PARL: variants seen among roughly 807,000 people sequenced by gnomAD.
PARL encodes the protein presenilin-associated rhomboid-like protein, mitochondrial.
A neutral mutation model predicts 51.6 loss-of-function variants in PARL; 44 were observed. The ratio of observed to expected loss-of-function variants is 0.85; its 90% CI spans 0.67 to 1.10. PARL has a LOEUF of 1.10. Ranked by LOEUF, PARL falls within the 50% of genes least tolerant of loss-of-function variation. The pLI is 0.00. For missense variants in PARL, 441 were observed against 469.5 expected (o/e 0.94, Z 0.56); for synonymous variants, 172 against 164.0 (o/e 1.05, Z -0.37).
Position 183,829,493 on chromosome 3 carries a change from C to T in PARL, c.*105G>A. The stretch of plus-strand genomic sequence containing the variant: ...GCTGAAAACAGTGGGAGGCCAGATG[C>T]TGGCATCTTCCAGACGGGAGCATAG... On this transcript the variant is annotated 3_prime_UTR_variant, in exon 10 of 10. Transcript: ENST00000317096. 2 of 1,611,306 alleles carry T rather than the reference C, an allele frequency of 1.2e-6. No individual in the cohort carries two copies. Among genetic ancestry groups the T allele is most frequent in the Admixed American group, 3.3e-5 (2 of 60,004 alleles).
intron 1 of PARL, among the ~76,000 whole-genome samples, chr3:183,871,833 T>C (rs1733253497): frequency 6.6e-6 from 1 of 152,182 alleles, no homozygotes; most frequent in Non-Finnish European, 1.5e-5. Context: ...GCACTGGCTG[T>C]ATATTTAATA....
chr3:183,862,863 AC>A, intron 3 of PARL, 62 bp from the exon 4 acceptor site: 1 of 1,343,932 alleles, frequency 7.4e-7, no homozygotes, highest in Non-Finnish European at 1.1e-6. Context: ...AAAATGAAAA[AC>A]CAGAAGAAAA....
intron 7 of PARL, among the ~76,000 whole-genome samples, chr3:183,835,609 G>A (rs1399875376): frequency 3.9e-5 from 6 of 152,166 alleles, no homozygotes; most frequent in African/African-American, 1.4e-4. Context: ...GCTCACGCCT[G>A]TAATCCCAGC....
chr3:183,835,736 G>A (rs1728495052), intron 7 of PARL, among the ~76,000 whole-genome samples: 1 of 152,038 alleles, frequency 6.6e-6, no homozygotes, highest in African/African-American at 2.4e-5. Context: ...ACGTGGTGGT[G>A]GGCGCCTGTA....
intron 1 of PARL, among the ~76,000 whole-genome samples, chr3:183,876,610 T>TAA (rs576376716): frequency 8.7e-5 from 8 of 91,806 alleles, no homozygotes; most frequent in African/African-American, 1.9e-4. Flanking sequence ...ATACATTTTG[T>TAA]AAAAAAAAAA....
At chr3:183,844,509 G>T in intron 4 of PARL, 183 bp from the exon 5 acceptor site, 1 of 558,256 alleles carries the variant, frequency 1.8e-6, no homozygotes, top group Non-Finnish European at 3.2e-6. Context: ...ACTGCCTAGG[G>T]TTGGTAAAGT....
intron 3 of PARL, among the ~76,000 whole-genome samples, chr3:183,865,480 G>C (rs1732363678): frequency 6.6e-6 from 1 of 152,208 alleles, no homozygotes; most frequent in Non-Finnish European, 1.5e-5. Flanking sequence ...TGAGCAGTGG[G>C]AGAGCATTAC....
At chr3:183,839,111 A>G (rs1728999578) in intron 7 of PARL, among the ~76,000 whole-genome samples, 1 of 152,238 alleles carries the variant, frequency 6.6e-6, no homozygotes, top group Non-Finnish European at 1.5e-5. Context: ...CCACGAAGGG[A>G]AAGAAGGAGG....
intron 3 of PARL, among the ~76,000 whole-genome samples, chr3:183,864,233 C>G (rs1732177041): frequency 6.6e-6 from 1 of 152,188 alleles, no homozygotes; most frequent in African/African-American, 2.4e-5. Flanking sequence ...AGGAATGAAT[C>G]CCTTTCCCTA....
At chr3:183,848,859 T>C (rs537630621) in intron 4 of PARL, among the ~76,000 whole-genome samples, 1 of 152,296 alleles carries the variant, frequency 6.6e-6, no homozygotes, top group African/African-American at 2.4e-5. Flanking sequence ...AAGATTTCCA[T>C]AGAAACTCTG....
chr3:183,844,714 T>C, intron 4 of PARL: 1 of 183,432 alleles, frequency 5.5e-6, no homozygotes, highest in Non-Finnish European at 1.2e-5. Context: ...GAGCTAACAT[T>C]ACTTCTTTTT....
intron 1 of PARL, among the ~76,000 whole-genome samples, chr3:183,875,021 A>G (rs1733630461): frequency 6.6e-6 from 1 of 152,200 alleles, no homozygotes; most frequent in African/African-American, 2.4e-5. Flanking sequence ...GCAGTGAGCT[A>G]CAAATGCATT....
chr3:183,850,933 G>A lies in PARL; in HGVS notation c.512-6607C>T, dbSNP rs1577325062. 5.9e-5 allele frequency among the ~76,000 whole-genome samples: 9 copies of A among 152,164 alleles called. No homozygotes were observed. In the South Asian group the frequency reaches 6.2e-4, roughly 10 times the overall value. ...AACCTACAGGAATAAAGACAATGTA[G>A]TATTAGAATAAGGTCAGATATATAG... On this transcript the variant is annotated intron_variant, in intron 4 of 9. Transcript: ENST00000317096.
intron 1 of PARL, among the ~76,000 whole-genome samples, chr3:183,882,227 ATATATATATATATATATTT>A (rs1396263946): frequency 0.064 from 3,066 of 48,280 alleles, 221 homozygotes; most frequent in Non-Finnish European, 0.087. Context: ...AAAAAAATAT[ATATATATATATATATATTT>A]ATATATATAT....
chr3:183,835,265 G>C (rs1362409587), intron 7 of PARL, among the ~76,000 whole-genome samples: 1 of 151,896 alleles, frequency 6.6e-6, no homozygotes, highest in Non-Finnish European at 1.5e-5. Flanking sequence ...GTTGTTTCTG[G>C]AAAATAGCAT....
intron 1 of PARL, among the ~76,000 whole-genome samples, chr3:183,878,617 C>G (rs894845591): frequency 2.6e-5 from 4 of 152,136 alleles, no homozygotes; most frequent in Non-Finnish European, 4.4e-5. Flanking sequence ...AAGACCTCCC[C>G]AGGTGATTCT....
intron 3 of PARL, among the ~76,000 whole-genome samples, chr3:183,863,731 G>C (rs1056319706): frequency 6.6e-6 from 1 of 151,906 alleles, no homozygotes; most frequent in African/African-American, 2.4e-5. Context: ...GAGCCGCCCC[G>C]GCCGATTCCA....
At chr3:183,880,427 G>A (rs1411187650) in intron 1 of PARL, among the ~76,000 whole-genome samples, 1 of 151,980 alleles carries the variant, frequency 6.6e-6, no homozygotes, top group East Asian at 1.9e-4. Flanking sequence ...TTAAGACACA[G>A]TTTTGCTCCT....
intron 4 of PARL, among the ~76,000 whole-genome samples, chr3:183,850,801 A>G (rs1359338832): frequency 6.6e-6 from 1 of 152,244 alleles, no homozygotes; most frequent in Non-Finnish European, 1.5e-5. Context: ...ACCAAGTGGA[A>G]TTTGTCACAG....
Sources: allele counts gnomAD v4.1 joint callset (sites outside exome capture counted in the v4.1 genomes callset), GRCh38; gene constraint gnomAD v4.1.1; transcripts MANE v1.5; gene names NCBI Gene and HGNC (gene_info 2026-07-23, HGNC 2026-07-21).